The following TMEM223 variants were observed in gnomAD, a reference collection of about 807,000 sequenced individuals.
TMEM223 encodes the protein transmembrane protein 223.
A neutral mutation model predicts 14.1 loss-of-function variants in TMEM223; 14 were observed. The observed-to-expected ratio is 0.99, with a 90% CI of 0.66 to 1.55. The LOEUF (loss-of-function observed/expected upper bound fraction) is 1.55. Among genes scored for constraint, TMEM223 ranks in the 40% most tolerant of loss-of-function variants. The pLI is 0.00. For missense variants in TMEM223, 346 were observed against 269.9 expected, an observed-to-expected ratio of 1.28 and a Z score of -1.97; for synonymous variants, 145 against 120.5, an observed-to-expected ratio of 1.20 and a Z score of -1.33.
rs952880099 is a variant in TMEM223 at position 62,775,871 on chromosome 11, G to C, written c.315-1206C>G. 3 of 1,614,044 alleles carry C rather than the reference G, an allele frequency of 1.9e-6. No homozygotes were observed. In the Admixed American group the frequency reaches 5.0e-5, roughly 27 times the overall value. Reference sequence around the variant, plus strand: ...GGAGAGCACGGGCCTGGAGCTGAGCGATGAGGTGGCGGCGCTGCTCGCAGA... The same window carrying C: ...GGAGAGCACGGGCCTGGAGCTGAGCCATGAGGTGGCGGCGCTGCTCGCAGA... On this transcript the variant is annotated intron_variant, in intron 1 of 2. Transcript: ENST00000528367.
downstream of TMEM223, among the ~76,000 whole-genome samples, chr11:62,783,854 A>T (rs982882605): frequency 6.6e-6 from 1 of 150,674 alleles, no homozygotes; most frequent in Non-Finnish European, 1.5e-5. Flanking sequence ...TTAATATGAC[A>T]AGTTCTATTC....
rs1375165078 is a variant in TMEM223 at position 62,791,739 on chromosome 11, G to C, written c.256C>G (p.Pro86Ala). The C allele has an allele frequency of 6.4e-7, 1 of 1,560,904 alleles. No individual in the cohort carries two copies. The highest frequency in any genetic ancestry group is 8.7e-7 in the Non-Finnish European group (1 of 1,153,114). The change falls in exon 1 of 2, where the codon CCC becomes GCC. Residue 86 changes from proline to alanine, a missense_variant. Transcript: ENST00000307366. ...CAGAGCGCGGAGCGCAGGTCGAAGG[G>C]GCCACGATTTGGGACCTCCGCATCC... ...PLDAEVPNRG[P>A]FDLRSALWRY...
chr11:62,782,070 C>T, intron 1 of TMEM223: 3 of 1,589,912 alleles, frequency 1.9e-6, no homozygotes, highest in Non-Finnish European at 2.6e-6. Context: ...GGGCTCCTGC[C>T]TGTCCCCTCA....
downstream of TMEM223, chr11:62,786,391 G>A (rs369063031): frequency 1.1e-5 from 18 of 1,613,118 alleles, no homozygotes; most frequent in Non-Finnish European, 1.4e-5. Flanking sequence ...CCATTCTGGT[G>A]AGTACCGTCC....
In TMEM223 at chr11:62,790,167, G is replaced by T; in HGVS notation, c.*456C>A. 1 of 1,060,892 alleles carries T rather than the reference G, an allele frequency of 9.4e-7. No individual in the cohort carries two copies. Among genetic ancestry groups the T allele is most frequent in the Non-Finnish European group, 1.3e-6 (1 of 765,838 alleles). 65.7% of individuals were successfully genotyped at this position (1,060,892 alleles called of 1,614,324 possible). On this transcript the variant is annotated 3_prime_UTR_variant, in exon 2 of 2. Transcript: ENST00000307366. ...TTTCCTTTCGTTGGGGGGTGGGGGG[G>T]AAACATAATGACAGGCCCCCCTCCA...
chr11:62,772,996 G>A (rs1276824994), intron 2 of TMEM223, among the ~76,000 whole-genome samples: 1 of 151,344 alleles, frequency 6.6e-6, no homozygotes, highest in African/African-American at 2.4e-5. Flanking sequence ...TCCTGCCTCA[G>A]CCTCCTGGGT....
Position 62,790,360 on chromosome 11 carries a change from T to C in TMEM223, c.*263A>G, listed in dbSNP as rs2084345752. On this transcript the variant is annotated 3_prime_UTR_variant, in exon 2 of 2. Coordinates refer to ENST00000307366, the MANE Select transcript of TMEM223 (RefSeq NM_001080501.3). ...AGGCAGCTGCCCTAGGGATGACTGC[T>C]CCTTTATTTGTTGTTAATGAATCTT... 2 of 545,476 alleles carry C rather than the reference T, an allele frequency of 3.7e-6. No homozygotes were observed. Among genetic ancestry groups the C allele is most frequent in the Non-Finnish European group, 6.4e-6 (2 of 312,318 alleles). The allele number at this position is 545,476 out of a possible 1,614,324, so 33.8% of individuals were successfully genotyped here.
chr11:62,782,594 G>C, downstream of TMEM223: 2 of 1,526,238 alleles, frequency 1.3e-6, no homozygotes, highest in South Asian at 1.2e-5. Flanking sequence ...CAGCACTCCC[G>C]AGTGTGCTGT....
At chr11:62,781,690 A>T in intron 1 of TMEM223, 5 of 480,860 alleles carry the variant, frequency 1.0e-5, no homozygotes, top group East Asian at 4.1e-5. Context: ...TTGGACATTC[A>T]GGTTGTATTC....
intron 2 of TMEM223, among the ~76,000 whole-genome samples, chr11:62,772,805 CA>C (rs770586046): frequency 0.13 from 14,590 of 109,634 alleles, 1,656 homozygotes; most frequent in African/African-American, 0.34. Context: ...ACATCATCTC[CA>C]AAAAAAAAAA....
chr11:62,782,199 G>GGGGCCC, intron 1 of TMEM223: 1 of 1,614,164 alleles, frequency 6.2e-7, no homozygotes, highest in Non-Finnish European at 8.5e-7. Flanking sequence ...ACCTGTGCTT[G>GGGGCCC]GGGCCCTATG....
chr11:62,786,788 C>A, downstream of TMEM223: 1 of 1,611,078 alleles, frequency 6.2e-7, no homozygotes, highest in Non-Finnish European at 8.5e-7. Context: ...AGCTTGGCCA[C>A]ACGCTTTGGC....
chr11:62,790,677 G>T lies in TMEM223; in HGVS notation c.555C>A (p.His185Gln). The T allele has an allele frequency of 6.2e-7, 1 of 1,612,446 alleles. No individual in the cohort carries two copies. The highest frequency in any genetic ancestry group is 8.5e-7 in the Non-Finnish European group (1 of 1,179,148). Residue 185 changes from histidine to glutamine, a missense_variant, in exon 2 of 2, where the codon CAC becomes CAA. Physicochemically the swap from His to Gln is conservative, Grantham distance 24 (BLOSUM62 0). Coordinates refer to ENST00000307366, the MANE Select transcript of TMEM223 (RefSeq NM_001080501.3). ...TGTCAAAGAGTTTTGTGTTAGGGAA[G>T]TGTCCAGTTTTGTCCAAGAGGAAAT... Reference protein sequence around the residue: ...RFYFLLDKTGHFPNTKLFDNT... With the variant: ...RFYFLLDKTGQFPNTKLFDNT...
Position 62,791,607 on chromosome 11 carries a change from C to T in TMEM223, c.316+72G>A, listed in dbSNP as rs115969060. On this transcript the variant is annotated intron_variant, in intron 1 of 1. Coordinates refer to ENST00000307366, the MANE Select transcript of TMEM223 (RefSeq NM_001080501.3). ...TCTCGGATAGGGAGTCCCTGACTCT[C>T]CCTGCCTGTATAGGGAAGGTCGTGT... is the stretch of plus-strand genomic sequence containing the variant. The T allele has an allele frequency of 6.2e-4, 888 of 1,432,018 alleles. 6 individuals are homozygous for T. The African/African-American group carries it at 0.01, about 16-fold the overall frequency. The allele number at this position is 1,432,018 out of a possible 1,614,324, so 88.7% of individuals were successfully genotyped here.
chr11:62,778,518 C>T (rs2084203767), intron 1 of TMEM223: 1 of 690,086 alleles, frequency 1.4e-6, no homozygotes, highest in South Asian at 1.7e-5. Context: ...GGGGCCCAGA[C>T]CTGTAACTAG....
chr11:62,783,502 T>G (rs1590937366), downstream of TMEM223, among the ~76,000 whole-genome samples: 2 of 148,782 alleles, frequency 1.3e-5, no homozygotes, highest in Admixed American at 6.7e-5. Context: ...AAAAGTTAGG[T>G]GTTGCCACTG....
chr11:62,779,356 G>A (rs895532033), intron 1 of TMEM223, among the ~76,000 whole-genome samples: 3 of 151,904 alleles, frequency 2.0e-5, no homozygotes, highest in South Asian at 2.1e-4. Flanking sequence ...CAACATACCC[G>A]GCTAATTTTT....
chr11:62,776,338 C>T (rs1006866137), intron 1 of TMEM223: 2 of 1,601,878 alleles, frequency 1.2e-6, no homozygotes, highest in African/African-American at 2.7e-5. Flanking sequence ...TCCCATGCCC[C>T]CTGCTTCACA....
rs372087114 is a variant in TMEM223 at position 62,791,963 on chromosome 11, C to A, written c.32G>T (p.Gly11Val). The A allele has an allele frequency of 5.0e-5, 78 of 1,569,648 alleles. No homozygotes were observed. The highest frequency in any genetic ancestry group is 5.7e-5 in the Non-Finnish European group (66 of 1,156,086). The stretch of plus-strand genomic sequence containing the variant: ...CAGGGGCCGCAGCACGGCTAGCAGC[C>A]CCGTGGGCCATCGCCTCCAAGGCGC... MAAPWRRWPT[G>V]LLAVLRPLLT... Residue 11 changes from glycine (G) to valine (V), a missense_variant, in exon 1 of 2, where the codon GGG becomes GTG. Transcript: ENST00000307366.
Sources: gnomAD v4.1 joint callset for allele counts (sites outside exome capture counted in the v4.1 genomes callset) on GRCh38, gnomAD v4.1.1 for gene constraint, MANE v1.5 for transcripts, NCBI Gene and HGNC (gene_info 2026-07-23, HGNC 2026-07-21) for gene names.